SPOCK1: variants seen among roughly 807,000 people sequenced by gnomAD.
The protein encoded by SPOCK1 is testican-1.
SPOCK1 carries 23 observed loss-of-function variants against 55.3 expected under a neutral mutation model. The observed-to-expected ratio is 0.42, with a 90% CI of 0.30 to 0.59. SPOCK1 has a LOEUF of 0.59. Ranked by LOEUF, SPOCK1 falls within the 20% of genes least tolerant of loss-of-function variation. The pLI is 0.22. For missense variants in SPOCK1, 499 were observed against 552.5 expected (o/e 0.90, Z 0.97); for synonymous variants, 226 against 221.0 (o/e 1.02, Z -0.20).
intron 2 of SPOCK1, among the ~76,000 whole-genome samples, chr5:137,302,470 G>A (rs1354380279): frequency 3.3e-5 from 5 of 151,546 alleles, no homozygotes; most frequent in South Asian, 2.1e-4. Flanking sequence ...CCAGCTACTC[G>A]GGAGGCTGAG....
chr5:137,158,834 G>T (rs114389362), intron 3 of SPOCK1, among the ~76,000 whole-genome samples: 3,045 of 152,182 alleles, frequency 0.02, 46 homozygotes, highest in Non-Finnish European at 0.033. Flanking sequence ...CAGGGATGAG[G>T]TGAATGACCT....
chr5:137,204,984 T>C (rs570742949), intron 3 of SPOCK1, among the ~76,000 whole-genome samples: 1 of 152,320 alleles, frequency 6.6e-6, no homozygotes, highest in African/African-American at 2.4e-5. Context: ...AAGATCCAGC[T>C]AAAAGATTTT....
chr5:137,154,308 TA>T (rs1425075906), intron 3 of SPOCK1, among the ~76,000 whole-genome samples: 3 of 152,008 alleles, frequency 2.0e-5, no homozygotes, highest in African/African-American at 7.3e-5. Flanking sequence ...AGTGATATAA[TA>T]GAGAAGCTCC....
chr5:137,041,223 A>T (rs2126991758), intron 6 of SPOCK1, among the ~76,000 whole-genome samples: 1 of 152,332 alleles, frequency 6.6e-6, no homozygotes, highest in African/African-American at 2.4e-5. Context: ...GCACAAAAGC[A>T]AGGAAAGGAT....
intron 2 of SPOCK1, among the ~76,000 whole-genome samples, chr5:137,460,076 C>T (rs765195907): frequency 6.6e-6 from 1 of 152,062 alleles, no homozygotes; most frequent in Non-Finnish European, 1.5e-5. Flanking sequence ...TGGTAAAGGG[C>T]CTTGAAATCC....
chr5:137,104,589 C>T (rs918139495), intron 5 of SPOCK1, among the ~76,000 whole-genome samples: 3 of 152,152 alleles, frequency 2.0e-5, no homozygotes, highest in Non-Finnish European at 4.4e-5. Flanking sequence ...AGTGGGCAAG[C>T]GAGCATTACT....
At chr5:137,285,522 G>T in intron 2 of SPOCK1, among the ~76,000 whole-genome samples, 1 of 152,200 alleles carries the variant, frequency 6.6e-6, no homozygotes, top group Middle Eastern at 3.4e-3. Context: ...TTTAAAGACC[G>T]TCAGAAAAAT....
intron 2 of SPOCK1, among the ~76,000 whole-genome samples, chr5:137,291,665 C>T (rs1430228113): frequency 6.6e-6 from 1 of 152,226 alleles, no homozygotes; most frequent in Admixed American, 6.5e-5. Context: ...GCTATGAGAA[C>T]TCCATGCAAA....
rs1418456208 is a variant in SPOCK1, at chr5:137,244,214, C to T, written c.232+22796G>A. Among the ~76,000 whole-genome samples, 6 of 152,124 alleles carry T rather than the reference C, an allele frequency of 3.9e-5. No individual in the cohort carries two copies. In the East Asian group the frequency reaches 1.2e-3, roughly 29 times the overall value. On this transcript the variant is annotated intron_variant, in intron 3 of 10. Transcript: ENST00000394945. ...CATTCAATAGAGGTACTCAAAAACA[C>T]AAAGTCAGGGACTTAAAGAGTCTGC...
chr5:137,393,752 C>T (rs1160193423), intron 2 of SPOCK1, among the ~76,000 whole-genome samples: 1 of 152,168 alleles, frequency 6.6e-6, no homozygotes, highest in African/African-American at 2.4e-5. Context: ...TCTTAAGAAA[C>T]AGTATCTGCT....
At chr5:136,997,734 G>T (rs1308088794) in intron 6 of SPOCK1, among the ~76,000 whole-genome samples, 3 of 152,118 alleles carry the variant, frequency 2.0e-5, no homozygotes, top group African/African-American at 7.2e-5. Context: ...CATTTTCTTA[G>T]AGGACTTCCC....
At chr5:137,060,411 A>G (rs567105738) in intron 6 of SPOCK1, among the ~76,000 whole-genome samples, 2 of 152,260 alleles carry the variant, frequency 1.3e-5, no homozygotes, top group South Asian at 2.1e-4. Flanking sequence ...GTATACATGG[A>G]CACAAAGAAG....
intron 4 of SPOCK1, among the ~76,000 whole-genome samples, chr5:137,121,306 C>T (rs1753677895): frequency 6.6e-6 from 1 of 152,008 alleles, no homozygotes; most frequent in African/African-American, 2.4e-5. Flanking sequence ...TATTTTGAGA[C>T]ATTAAAGATC....
intron 3 of SPOCK1, among the ~76,000 whole-genome samples, chr5:137,252,191 G>T (rs1756545867): frequency 6.6e-6 from 1 of 152,196 alleles, no homozygotes; most frequent in South Asian, 2.1e-4. Context: ...CTCCCAAAGT[G>T]CTGGGATTAC....
chr5:136,984,353 GGGAAT>G (rs1750798584), intron 9 of SPOCK1, among the ~76,000 whole-genome samples: 1 of 151,916 alleles, frequency 6.6e-6, no homozygotes, highest in Non-Finnish European at 1.5e-5. Flanking sequence ...AGGCTGCTTG[GGGAAT>G]GCATCTGCCT....
intron 2 of SPOCK1, among the ~76,000 whole-genome samples, chr5:137,379,878 A>G (rs1433879514): frequency 2.0e-5 from 3 of 152,368 alleles, no homozygotes; most frequent in East Asian, 1.9e-4. Flanking sequence ...TTCAGACCTT[A>G]GGGGTGCATT....
chr5:137,108,083 C>A (rs1753400715), intron 5 of SPOCK1, among the ~76,000 whole-genome samples: 1 of 152,200 alleles, frequency 6.6e-6, no homozygotes, highest in African/African-American at 2.4e-5. Flanking sequence ...GATGGGAAGT[C>A]ATTTGCTCCT....
At chr5:136,989,919 CT>C (rs371960303) in intron 7 of SPOCK1, among the ~76,000 whole-genome samples, 77 of 151,212 alleles carry the variant, frequency 5.1e-4, no homozygotes, top group African/African-American at 1.8e-3. Context: ...TGTACCCACT[CT>C]TTTTTTTTGA....
intron 6 of SPOCK1, among the ~76,000 whole-genome samples, chr5:137,009,535 A>G (rs369952871): frequency 6.6e-6 from 1 of 152,176 alleles, no homozygotes; most frequent in African/African-American, 2.4e-5. Flanking sequence ...TACACAATAT[A>G]AATACATATA....
Sources: gnomAD v4.1 joint callset for allele counts (sites outside exome capture counted in the v4.1 genomes callset) on GRCh38, gnomAD v4.1.1 for gene constraint, MANE v1.5 for transcripts, NCBI Gene and HGNC (gene_info 2026-07-23, HGNC 2026-07-21) for gene names.